The following NRCAM variants were observed in gnomAD, a reference collection of about 807,000 sequenced individuals.
NRCAM encodes NgCAM-related cell adhesion molecule.
NRCAM carries 83 observed loss-of-function variants against 156.5 expected under a neutral mutation model. The observed-to-expected ratio is 0.53, with a 90% CI of 0.44 to 0.64. NRCAM has a LOEUF of 0.64. Ranked by LOEUF, NRCAM falls within the 30% of genes least tolerant of loss-of-function variation. The pLI is 0.00. For synonymous variants in NRCAM, 538 were observed against 563.9 expected (o/e 0.95, Z 0.65); for missense variants, 1,417 against 1,597.3 (o/e 0.89, Z 1.92).
intron 3 of NRCAM, among the ~76,000 whole-genome samples, chr7:108,275,415 C>T (rs1404268886): frequency 1.3e-5 from 2 of 152,098 alleles, no homozygotes; most frequent in Admixed American, 6.6e-5. Context: ...CAATTTCAGA[C>T]CTGTTATTGA....
chr7:108,293,466 T>C (rs1450418055), intron 3 of NRCAM, among the ~76,000 whole-genome samples: 1 of 152,166 alleles, frequency 6.6e-6, no homozygotes. Flanking sequence ...AAAAACATTT[T>C]TAAATCTGCT....
rs567957931 is a variant in NRCAM, at chr7:108,223,898, A to G, written c.779-62T>C. ...AAATATGTATTTCTATAAACACTTC[A>G]TTGTCAAAAAAGCTGTCTAAAATTC... is the stretch of plus-strand genomic sequence containing the variant. On this transcript the variant is annotated intron_variant, in intron 10 of 32. Transcript: ENST00000379028. The G allele has an allele frequency of 1.2e-5, 10 of 806,266 alleles. No individual in the cohort carries two copies. The East Asian group carries it at 2.0e-4, about 16-fold the overall frequency. The allele number at this position is 806,266 out of a possible 1,614,324, so 49.9% of individuals were successfully genotyped here.
intron 3 of NRCAM, among the ~76,000 whole-genome samples, chr7:108,268,985 C>G (rs1208866488): frequency 6.6e-6 from 1 of 152,016 alleles, no homozygotes; most frequent in Non-Finnish European, 1.5e-5. Flanking sequence ...GAAGAGGAAA[C>G]TGAGGCACAG....
intron 30 of NRCAM, among the ~76,000 whole-genome samples, chr7:108,164,786 C>T (rs1386166113): frequency 6.6e-6 from 1 of 152,164 alleles, no homozygotes; most frequent in Non-Finnish European, 1.5e-5. Context: ...CTTTTTAATA[C>T]ATTTATATGT....
intron 1 of NRCAM, among the ~76,000 whole-genome samples, chr7:108,418,500 C>T (rs1056405357): frequency 2.0e-5 from 3 of 151,488 alleles, no homozygotes; most frequent in Non-Finnish European, 2.9e-5. Context: ...GTGAAAGCAG[C>T]ATTGGCCTGA....
intron 1 of NRCAM, among the ~76,000 whole-genome samples, chr7:108,427,534 T>G (rs897096349): frequency 1.3e-5 from 2 of 152,340 alleles, no homozygotes; most frequent in African/African-American, 4.8e-5. Flanking sequence ...GGAGAGACAC[T>G]TTTATGAAGA....
intron 32 of NRCAM, 82 bp downstream of exon 32, chr7:108,159,381 G>T: frequency 8.4e-7 from 1 of 1,189,900 alleles, no homozygotes; most frequent in Non-Finnish European, 1.3e-6. Flanking sequence ...ATGCCAGGCA[G>T]AGCATATTCT....
intron 3 of NRCAM, among the ~76,000 whole-genome samples, chr7:108,246,632 G>T (rs1314913619): frequency 2.6e-5 from 4 of 152,122 alleles, no homozygotes; most frequent in Non-Finnish European, 5.9e-5. Context: ...CACTGGATAG[G>T]TGATAACAAG....
At chr7:108,337,548 G>A (rs564458192) in intron 2 of NRCAM, among the ~76,000 whole-genome samples, 1 of 152,284 alleles carries the variant, frequency 6.6e-6, no homozygotes, top group Admixed American at 6.5e-5. Flanking sequence ...CATTGTTCCT[G>A]CATGGCTAAG....
chr7:108,410,741 T>C (rs1794360581), intron 1 of NRCAM, among the ~76,000 whole-genome samples: 1 of 152,182 alleles, frequency 6.6e-6, no homozygotes, highest in South Asian at 2.1e-4. Context: ...GGGCAGCCTG[T>C]ATGACTGAGC....
At chr7:108,357,196 T>C (rs2099509975) in intron 2 of NRCAM, among the ~76,000 whole-genome samples, 1 of 152,204 alleles carries the variant, frequency 6.6e-6, no homozygotes, top group African/African-American at 2.4e-5. Flanking sequence ...GCAAACAACA[T>C]TGTAAGCATA....
rs1020438548 is a variant in NRCAM at position 108,442,009 on chromosome 7, GTTAT to G, written c.-332+14230_-332+14233del. On this transcript the variant is annotated intron_variant, in intron 1 of 32. Coordinates refer to ENST00000379028, the MANE Select transcript of NRCAM (RefSeq NM_001037132.4). The stretch of plus-strand genomic sequence containing the variant: ...CAACTAATAAATGGCAGGGATTATT[GTTAT>G]TTATTAATAGTAATAAGTTATAAAA... Among the ~76,000 whole-genome samples, 5 of 152,276 alleles carry G rather than the reference GTTAT, an allele frequency of 3.3e-5. No homozygotes were observed. The East Asian group carries it at 7.7e-4, about 23-fold the overall frequency.
intron 8 of NRCAM, among the ~76,000 whole-genome samples, chr7:108,230,005 A>G (rs149186317): frequency 1.3e-5 from 2 of 152,312 alleles, no homozygotes; most frequent in East Asian, 3.9e-4. Context: ...AAAATTAATG[A>G]AATAACCCAT....
chr7:108,262,828 C>T (rs2096935079), intron 3 of NRCAM, among the ~76,000 whole-genome samples: 1 of 152,170 alleles, frequency 6.6e-6, no homozygotes, highest in African/African-American at 2.4e-5. Flanking sequence ...TTCCCCTTTT[C>T]TTCCTCCACT....
At chr7:108,152,553 TAA>T (rs2042345762) in intron 32 of NRCAM, among the ~76,000 whole-genome samples, 1 of 151,786 alleles carries the variant, frequency 6.6e-6, no homozygotes, top group African/African-American at 2.4e-5. Flanking sequence ...TTTCAAAGAA[TAA>T]GTGACATGCT....
intron 11 of NRCAM, among the ~76,000 whole-genome samples, chr7:108,216,235 T>C (rs1055339985): frequency 1.3e-5 from 2 of 152,202 alleles, no homozygotes; most frequent in East Asian, 3.8e-4. Context: ...TGTTGAATAT[T>C]GGCCCCCACT....
intron 3 of NRCAM, among the ~76,000 whole-genome samples, chr7:108,266,454 G>A (rs546567025): frequency 1.3e-5 from 2 of 152,320 alleles, no homozygotes; most frequent in East Asian, 3.9e-4. Flanking sequence ...ATGGTCATCT[G>A]CTCTGTCTCC....
chr7:108,428,595 T>C (rs6466231), intron 1 of NRCAM, among the ~76,000 whole-genome samples: 136,767 of 152,246 alleles, frequency 0.9, 61,920 homozygotes, highest in East Asian at 1. Context: ...GCAAGAGAAA[T>C]TGACAGGCCT....
At chr7:108,281,130 A>T (rs1269677) in intron 3 of NRCAM, among the ~76,000 whole-genome samples, 135,216 of 152,142 alleles carry the variant, frequency 0.89, 60,212 homozygotes, top group African/African-American at 0.92. Flanking sequence ...TAAATATCTA[A>T]AAAATTATAA....
Sources: gnomAD v4.1 joint callset for allele counts (sites outside exome capture counted in the v4.1 genomes callset) on GRCh38, gnomAD v4.1.1 for gene constraint, MANE v1.5 for transcripts, NCBI Gene and HGNC (gene_info 2026-07-23, HGNC 2026-07-21) for gene names.